Variants in AK5 observed in about 807,000 individuals in gnomAD.
The protein encoded by AK5 is adenylate kinase isoenzyme 5.
In AK5, 27 loss-of-function variants were observed where a neutral mutation model predicts 69.5. The observed-to-expected ratio is 0.39, with a 90% CI of 0.29 to 0.54. The LOEUF (loss-of-function observed/expected upper bound fraction) is 0.54. Ranked by LOEUF, AK5 falls within the 20% of genes least tolerant of loss-of-function variation. AK5 has a pLI of 0.71. For synonymous variants in AK5, 260 were observed against 244.4 expected (o/e 1.06, Z -0.60); for missense variants, 531 against 700.4 (o/e 0.76, Z 2.73).
chr1:77,409,155 A>G (rs966093261), intron 6 of AK5, among the ~76,000 whole-genome samples: 9 of 152,036 alleles, frequency 5.9e-5, no homozygotes, highest in Admixed American at 5.2e-4. Flanking sequence ...CCTTTTTCCA[A>G]TCTGTCATTG....
intron 8 of AK5, among the ~76,000 whole-genome samples, chr1:77,421,754 T>A (rs968078108): frequency 1.3e-5 from 2 of 152,160 alleles, no homozygotes; most frequent in African/African-American, 2.4e-5. Flanking sequence ...TCCCTCTTAC[T>A]TCTCGCTTCA....
chr1:77,385,415 T>C (rs147243948), intron 6 of AK5, among the ~76,000 whole-genome samples: 10,798 of 152,222 alleles, frequency 0.071, 483 homozygotes, highest in East Asian at 0.2. Context: ...CACCTTGGCC[T>C]CCCAAAGTGG....
intron 10 of AK5, among the ~76,000 whole-genome samples, chr1:77,514,144 T>C (rs1479202479): frequency 6.6e-6 from 1 of 152,226 alleles, no homozygotes; most frequent in African/African-American, 2.4e-5. Context: ...TTTTCCACCT[T>C]TTTTTGAGGT....
chr1:77,309,089 G>A (rs72677889), intron 5 of AK5, among the ~76,000 whole-genome samples: 11,207 of 151,722 alleles, frequency 0.074, 542 homozygotes, highest in East Asian at 0.2. Flanking sequence ...TGGTGGGGTC[G>A]GGGGAGGGAG....
At chr1:77,295,295 G>T (rs1428216141) in intron 3 of AK5, among the ~76,000 whole-genome samples, 1 of 152,124 alleles carries the variant, frequency 6.6e-6, no homozygotes, top group Non-Finnish European at 1.5e-5. Context: ...ACAAAAGCAT[G>T]CAAATAAACA....
intron 10 of AK5, among the ~76,000 whole-genome samples, chr1:77,505,541 A>T (rs1656973940): frequency 6.6e-6 from 1 of 152,066 alleles, no homozygotes; most frequent in African/African-American, 2.4e-5. Context: ...AGGAGCATAT[A>T]TTTCTTTCCC....
intron 7 of AK5, 57 bp from the exon 8 acceptor site, chr1:77,417,581 GC>G: frequency 9.5e-7 from 1 of 1,056,248 alleles, no homozygotes; most frequent in Non-Finnish European, 1.5e-6. Flanking sequence ...GAGACTGTTT[GC>G]TTTAGAAACA....
At chr1:77,558,323 G>A (rs1049329035) in intron 13 of AK5, among the ~76,000 whole-genome samples, 5 of 152,206 alleles carry the variant, frequency 3.3e-5, no homozygotes, top group African/African-American at 1.2e-4. Context: ...CAAGCAATGA[G>A]TGAGAGTTCC....
chr1:77,418,905 TATAATAGCTACACATGTTTATAGTA>T (rs1418599738), intron 8 of AK5, among the ~76,000 whole-genome samples: 2 of 152,232 alleles, frequency 1.3e-5, no homozygotes, highest in Non-Finnish European at 2.9e-5. Context: ...TGGCAAGTGC[TATAATAGCTACACATGTTTATAGTA>T]ATTTTTAACA....
chr1:77,395,754 G>A (rs1282813322), intron 6 of AK5, among the ~76,000 whole-genome samples: 2 of 152,202 alleles, frequency 1.3e-5, no homozygotes, highest in African/African-American at 4.8e-5. Flanking sequence ...GGTTGAGCCA[G>A]GACACATATA....
chr1:77,387,654 C>T (rs1648122349), intron 6 of AK5, among the ~76,000 whole-genome samples: 2 of 152,198 alleles, frequency 1.3e-5, no homozygotes, highest in Admixed American at 1.3e-4. Context: ...AGGCTGGAAA[C>T]CACTGACTGG....
At chr1:77,498,094 A>G (rs1269877064) in intron 10 of AK5, among the ~76,000 whole-genome samples, 1 of 152,342 alleles carries the variant, frequency 6.6e-6, no homozygotes, top group South Asian at 2.1e-4. Flanking sequence ...GAGCCCTGCC[A>G]GAGCCAGAGG....
intron 8 of AK5, among the ~76,000 whole-genome samples, chr1:77,440,183 TCA>T (rs149718348): frequency 0.07 from 10,692 of 152,258 alleles, 502 homozygotes; most frequent in Middle Eastern, 0.14. Context: ...TCAAATTTTC[TCA>T]GTTTTTGGTT....
At chr1:77,513,446 T>A (rs548450535) in intron 10 of AK5, among the ~76,000 whole-genome samples, 1 of 152,352 alleles carries the variant, frequency 6.6e-6, no homozygotes, top group African/African-American at 2.4e-5. Flanking sequence ...CCATTCTAGC[T>A]GTCCAATAGA....
intron 8 of AK5, among the ~76,000 whole-genome samples, chr1:77,436,084 C>T (rs1276441681): frequency 6.6e-6 from 1 of 152,148 alleles, no homozygotes; most frequent in Non-Finnish European, 1.5e-5. Flanking sequence ...AAATTATTCA[C>T]TTCTAACATT....
chr1:77,286,786 G>T (rs1658376883), intron 1 of AK5, among the ~76,000 whole-genome samples, 155 bp from the exon 2 acceptor site: 1 of 152,138 alleles, frequency 6.6e-6, no homozygotes, highest in South Asian at 2.1e-4. Context: ...GGTAGAAGTT[G>T]CAGTGAGCCA....
chr1:77,533,815 G>A (rs1316601129), intron 12 of AK5, among the ~76,000 whole-genome samples: 1 of 152,114 alleles, frequency 6.6e-6, no homozygotes, highest in African/African-American at 2.4e-5. Context: ...TCGCCTGGCT[G>A]TCTCATGCAA....
At chr1:77,487,952 G>C (rs1308427902) in intron 10 of AK5, among the ~76,000 whole-genome samples, 1 of 152,226 alleles carries the variant, frequency 6.6e-6, no homozygotes, top group Non-Finnish European at 1.5e-5. Flanking sequence ...AGGAACCAAA[G>C]AGCTGAAATA....
chr1:77,532,005 G>GCCGA (rs1227999819), intron 12 of AK5: 2 of 151,098 alleles, frequency 1.3e-5, no homozygotes, highest in African/African-American at 4.8e-5. Flanking sequence ...CGGCCGGCCG[G>GCCGA]CCGCTCCGAG....
Sources: gnomAD v4.1 joint callset for allele counts (sites outside exome capture counted in the v4.1 genomes callset) on GRCh38, gnomAD v4.1.1 for gene constraint, MANE v1.5 for transcripts, NCBI Gene and HGNC (gene_info 2026-07-23, HGNC 2026-07-21) for gene names.